The following MYO10 variants were observed in gnomAD, a reference collection of about 807,000 sequenced individuals.
The protein encoded by MYO10 is myosin X.
Under a neutral mutation model 257.3 loss-of-function variants are expected in MYO10, and 133 were observed. The observed-to-expected ratio is 0.52, with a 90% CI of 0.45 to 0.60. The LOEUF is 0.60. Ranked by LOEUF, MYO10 falls within the 20% of genes least tolerant of loss-of-function variation. The pLI is 0.00. For missense variants in MYO10, 2,399 were observed against 2,635.7 expected, an observed-to-expected ratio of 0.91 and a Z score of 1.97; for synonymous variants, 1,104 against 1,028.6, an observed-to-expected ratio of 1.07 and a Z score of -1.40.
In MYO10 at chr5:16,710,899, G is replaced by A. The variant is rs561852934; in HGVS notation, c.2169+9C>T. 23 of 1,609,984 alleles carry A rather than the reference G, an allele frequency of 1.4e-5. No individual in the cohort carries two copies. Among genetic ancestry groups the A allele is most frequent in the East Asian group, 1.1e-4 (5 of 44,790 alleles). ...ATTCGGTGGGAGTTGCTCTTTCTCC[G>A]CATCGTACCTTGGTCTTCCCCAGCT... On this transcript the variant is annotated intron_variant, in intron 21 of 40. Coordinates refer to ENST00000513610, the MANE Select transcript of MYO10 (RefSeq NM_012334.3).
At chr5:16,812,301 G>A (rs927927182) in intron 3 of MYO10, among the ~76,000 whole-genome samples, 1 of 152,228 alleles carries the variant, frequency 6.6e-6, no homozygotes, top group African/African-American at 2.4e-5. Flanking sequence ...TGCACAGGCA[G>A]TTACAGCCAG....
rs575283512 is a variant in MYO10, at chr5:16,871,532, A to T, written c.120+6077T>A. On this transcript the variant is annotated intron_variant, in intron 2 of 40. Coordinates refer to ENST00000513610, the MANE Select transcript of MYO10 (RefSeq NM_012334.3). ...TGAGGTGGGAGGATCACTTGAGCCC[A>T]GGAAGTGGAGGCTACAGTGAGCCAT... is the stretch of plus-strand genomic sequence containing the variant. Among the ~76,000 whole-genome samples the T allele has an allele frequency of 2.0e-5, 3 of 152,244 alleles. No homozygotes were observed. In the Middle Eastern group the frequency reaches 0.01, roughly 518 times the overall value.
At chr5:16,874,282 C>G (rs550053587) in intron 2 of MYO10, among the ~76,000 whole-genome samples, 9 of 140,494 alleles carry the variant, frequency 6.4e-5, no homozygotes, top group Non-Finnish European at 4.5e-5. Flanking sequence ...TGCAGTGAGC[C>G]GAGATCGCGC....
intron 2 of MYO10, among the ~76,000 whole-genome samples, chr5:16,864,233 G>A (rs1744182572): frequency 6.7e-6 from 1 of 148,178 alleles, no homozygotes; most frequent in South Asian, 2.1e-4. Flanking sequence ...CAGTCTTAAT[G>A]AAGCATGCGC....
chr5:16,718,135 G>A (rs1305382224), intron 19 of MYO10, among the ~76,000 whole-genome samples: 2 of 152,220 alleles, frequency 1.3e-5, no homozygotes, highest in African/African-American at 2.4e-5. Flanking sequence ...CCCAGGCAGT[G>A]CCAGCCCACC....
At chr5:16,927,156 C>T (rs1224872875) in intron 1 of MYO10, among the ~76,000 whole-genome samples, 4 of 152,082 alleles carry the variant, frequency 2.6e-5, no homozygotes, top group Non-Finnish European at 4.4e-5. Flanking sequence ...ATATTTAAAG[C>T]TTTTCTCAAT....
At chr5:16,761,222 C>T (rs1170908566) in intron 17 of MYO10, among the ~76,000 whole-genome samples, 1 of 152,132 alleles carries the variant, frequency 6.6e-6, no homozygotes, top group Non-Finnish European at 1.5e-5. Context: ...AACTCCTGAC[C>T]TCACGTGATT....
intron 19 of MYO10, among the ~76,000 whole-genome samples, chr5:16,734,041 G>C (rs1400134470): frequency 6.6e-6 from 1 of 151,794 alleles, no homozygotes; most frequent in Non-Finnish European, 1.5e-5. Context: ...CTGAGAATTC[G>C]TATGAAAGAG....
chr5:16,785,226 C>T (rs932295738), intron 4 of MYO10, among the ~76,000 whole-genome samples: 2 of 152,192 alleles, frequency 1.3e-5, no homozygotes, highest in Non-Finnish European at 2.9e-5. Context: ...TGGGGTTTCC[C>T]TTACCAGCCA....
At chr5:16,858,159 G>A (rs1344142707) in intron 2 of MYO10, among the ~76,000 whole-genome samples, 1 of 152,160 alleles carries the variant, frequency 6.6e-6, no homozygotes, top group Non-Finnish European at 1.5e-5. Flanking sequence ...AATGGGCATG[G>A]CTGTGTTCCA....
intron 19 of MYO10, among the ~76,000 whole-genome samples, chr5:16,734,249 A>G (rs1382353109): frequency 6.6e-6 from 1 of 152,112 alleles, no homozygotes; most frequent in Non-Finnish European, 1.5e-5. Context: ...TCAGCGATCC[A>G]ATTTGCTTTA....
intron 27 of MYO10, among the ~76,000 whole-genome samples, chr5:16,691,057 CAGG>C (rs1737477016): frequency 6.7e-6 from 1 of 150,352 alleles, no homozygotes; most frequent in South Asian, 2.1e-4. Context: ...ATCATGAGGT[CAGG>C]AGATCGAGAC....
intron 3 of MYO10, among the ~76,000 whole-genome samples, chr5:16,811,751 A>T (rs26344): frequency 0.4 from 60,187 of 151,952 alleles, 12,608 homozygotes; most frequent in Non-Finnish European, 0.47. Flanking sequence ...GGACTTCGCC[A>T]AATTGCCCAG....
chr5:16,760,434 C>A (rs1272957584), intron 17 of MYO10, among the ~76,000 whole-genome samples: 3 of 149,030 alleles, frequency 2.0e-5, no homozygotes, highest in Non-Finnish European at 4.4e-5. Context: ...GCACTCCAGT[C>A]TGGGTGACAG....
intron 9 of MYO10, among the ~76,000 whole-genome samples, chr5:16,777,227 G>A (rs529720533): frequency 1.3e-5 from 2 of 152,310 alleles, no homozygotes; most frequent in East Asian, 1.9e-4. Flanking sequence ...CTGTCTGCAG[G>A]AGGGTTTTTG....
At chr5:16,725,207 C>T (rs1474349811) in intron 19 of MYO10, among the ~76,000 whole-genome samples, 2 of 148,152 alleles carry the variant, frequency 1.3e-5, no homozygotes, top group Non-Finnish European at 3.0e-5. Flanking sequence ...CTGCCTTAGT[C>T]TCCTGAGTAG....
chr5:16,710,871 G>A lies in MYO10; in HGVS notation c.2169+37C>T, dbSNP rs774377897. 51 of 1,552,358 alleles carry A rather than the reference G, an allele frequency of 3.3e-5. No individual in the cohort carries two copies. The South Asian group carries it at 5.5e-4, about 17-fold the overall frequency. On this transcript the variant is annotated intron_variant, in intron 21 of 40. Transcript: ENST00000513610. ...GTGAGCATCACCCCGAGATCTGTCA[G>A]GGATTCGGTGGGAGTTGCTCTTTCT...
chr5:16,681,008 G>A (rs2288437), intron 32 of MYO10, among the ~76,000 whole-genome samples: 47,533 of 151,898 alleles, frequency 0.31, 7,570 homozygotes, highest in South Asian at 0.41. Flanking sequence ...TGAGAAGAAT[G>A]AAAATTAAAA....
intron 2 of MYO10, among the ~76,000 whole-genome samples, chr5:16,861,951 G>A (rs1002207946): frequency 5.3e-5 from 8 of 152,122 alleles, no homozygotes; most frequent in Admixed American, 4.6e-4. Context: ...ATACTTACAG[G>A]AATTAAACAG....
Sources: allele counts gnomAD v4.1 joint callset (sites outside exome capture counted in the v4.1 genomes callset), GRCh38; gene constraint gnomAD v4.1.1; transcripts MANE v1.5; gene names NCBI Gene and HGNC (gene_info 2026-07-23, HGNC 2026-07-21).